Variants in STAG2 observed in about 807,000 individuals in gnomAD.
STAG2 encodes cohesin subunit SA-2.
Under a neutral mutation model 108.1 loss-of-function variants are expected in STAG2, and 14 were observed. The observed-to-expected ratio is 0.13, with a 90% confidence interval of 0.09 to 0.20. The LOEUF is 0.20. Ranked by LOEUF, STAG2 falls within the 10% of genes least tolerant of loss-of-function variation. STAG2 has a pLI of 1.00. For missense variants in STAG2, 440 were observed against 940.9 expected, an observed-to-expected ratio of 0.47 and a Z score of 6.96; for synonymous variants, 307 against 302.7, an observed-to-expected ratio of 1.01 and a Z score of -0.15.
At chrX:123,978,970 C>T (rs2054752042) in intron 1 of STAG2, among the ~76,000 whole-genome samples, 1 of 111,494 alleles carries the variant, frequency 9.0e-6, no homozygotes, top group Non-Finnish European at 1.9e-5. Flanking sequence ...CCAGATAGCT[C>T]AGTAATTCCA....
intron 13 of STAG2, among the ~76,000 whole-genome samples, chrX:124,054,325 T>C (rs944698878): frequency 8.9e-6 from 1 of 112,252 alleles, no homozygotes; most frequent in Non-Finnish European, 1.9e-5. Flanking sequence ...GTAGTGGCTA[T>C]TCCCATTTCT....
intron 1 of STAG2, among the ~76,000 whole-genome samples, chrX:123,993,335 C>G (rs2055570522): frequency 9.0e-6 from 1 of 111,477 alleles, no homozygotes; most frequent in Non-Finnish European, 1.9e-5. Context: ...CGGGGAAGAT[C>G]CCAGTGGTGA....
intron 25 of STAG2, among the ~76,000 whole-genome samples, chrX:124,075,726 G>A (rs952694191): frequency 9.1e-6 from 1 of 110,495 alleles, no homozygotes; most frequent in Non-Finnish European, 1.9e-5. Context: ...CAATTATTTT[G>A]CATTACTTGG....
At chrX:124,012,034 G>C (rs978280143) in intron 1 of STAG2, among the ~76,000 whole-genome samples, 15 of 111,683 alleles carry the variant, frequency 1.3e-4, no homozygotes, top group African/African-American at 4.9e-4. Flanking sequence ...TGCTTTTCCT[G>C]CATCAACTGA....
At chrX:124,004,198 T>C (rs1214820708) in intron 1 of STAG2, among the ~76,000 whole-genome samples, 1 of 111,968 alleles carries the variant, frequency 8.9e-6, no homozygotes. Context: ...ACTATCAGCA[T>C]CCTGCTGTCT....
At chrX:123,981,225 C>T (rs1210708457) in intron 1 of STAG2, among the ~76,000 whole-genome samples, 3 of 110,674 alleles carry the variant, frequency 2.7e-5, no homozygotes, top group Non-Finnish European at 3.8e-5. Flanking sequence ...GTTGTGCAAC[C>T]ATTGTCACCA....
intron 13 of STAG2, among the ~76,000 whole-genome samples, chrX:124,053,174 ATATT>A (rs1376931641): frequency 1.8e-5 from 2 of 112,280 alleles, no homozygotes; most frequent in African/African-American, 3.2e-5. Flanking sequence ...TTCAGGATAA[ATATT>A]TATCAAGTGA....
In STAG2 at chrX:124,101,558, C is replaced by T. The variant is rs933661541; in HGVS notation, c.*961C>T. 3 of 153,395 alleles carry T rather than the reference C, an allele frequency of 2.0e-5. No individual in the cohort carries two copies. The highest frequency in any genetic ancestry group is 9.2e-5 in the African/African-American group (3 of 32,481). 12.6% of individuals were successfully genotyped at this position (153,395 alleles called of 1,213,427 possible). On this transcript the variant is annotated 3_prime_UTR_variant, in exon 35 of 35. Coordinates refer to ENST00000371145, the MANE Select transcript of STAG2 (RefSeq NM_001042750.2). ...GTTTTTTCTTACTTTTAAATTCCAA[C>T]TTAAAATTATGAGGTTTCAGAAATA... is the stretch of plus-strand genomic sequence containing the variant.
intron 25 of STAG2, among the ~76,000 whole-genome samples, chrX:124,072,485 T>C (rs144588097): frequency 3.4e-4 from 38 of 111,238 alleles, no homozygotes; most frequent in African/African-American, 1.2e-3. Context: ...ATCCATGTAG[T>C]GAAGTTTATA....
At chrX:124,001,205 C>T (rs1242033273) in intron 1 of STAG2, among the ~76,000 whole-genome samples, 1 of 111,072 alleles carries the variant, frequency 9.0e-6, no homozygotes, top group African/African-American at 3.3e-5. Flanking sequence ...ATTCTCCTGC[C>T]TCAGCCTCCC....
Position 123,980,108 on chromosome X carries a change from A to G in STAG2, c.-163+18252A>G, listed in dbSNP as rs377186392. ...ATGTGTGTAGTTGGAACATAGTAGT[A>G]ATAATATTTTACTGTACTCTTGCAT... On this transcript the variant is annotated intron_variant, in intron 1 of 34. Transcript: ENST00000371145. Among the ~76,000 whole-genome samples the G allele has an allele frequency of 4.5e-5, 5 of 112,061 alleles. No individual in the cohort carries two copies. The East Asian group carries it at 1.1e-3, about 25-fold the overall frequency.
At chrX:123,970,659 A>G (rs1205937406) in intron 1 of STAG2, among the ~76,000 whole-genome samples, 1 of 112,023 alleles carries the variant, frequency 8.9e-6, no homozygotes, top group Non-Finnish European at 1.9e-5. Flanking sequence ...GTTTGAAAGA[A>G]TTTAATGTGG....
chrX:123,997,000 ATCTT>A (rs1323326047), intron 1 of STAG2, among the ~76,000 whole-genome samples: 1 of 112,454 alleles, frequency 8.9e-6, no homozygotes, highest in Non-Finnish European at 1.9e-5. Context: ...TGAAAAGACT[ATCTT>A]TCTTCATTGA....
chrX:124,050,154 AATT>A (rs750512290), intron 10 of STAG2, 29 bp from the exon 11 acceptor site: 82 of 1,199,066 alleles, frequency 6.8e-5, no homozygotes, highest in Non-Finnish European at 8.7e-5. Flanking sequence ...TATTGGCACT[AATT>A]ATGCATCGTT....
At chrX:123,976,265 CT>C (rs754130338) in intron 1 of STAG2, among the ~76,000 whole-genome samples, 38 of 111,237 alleles carry the variant, frequency 3.4e-4, no homozygotes, top group Non-Finnish European at 5.7e-4. Context: ...CAGTAGTGAC[CT>C]TTTCTCTTAA....
intron 15 of STAG2, among the ~76,000 whole-genome samples, chrX:124,059,664 A>G (rs779539085): frequency 9.0e-6 from 1 of 110,712 alleles, no homozygotes; most frequent in African/African-American, 3.3e-5. Context: ...TATTTTATTT[A>G]TTTTATTTTT....
chrX:124,100,065 A>G (rs1328604604), intron 34 of STAG2, among the ~76,000 whole-genome samples: 1 of 111,944 alleles, frequency 8.9e-6, no homozygotes, highest in African/African-American at 3.2e-5. Context: ...CAGATTTTCT[A>G]AAGAAAGCTT....
rs1177101640 is a variant in STAG2 at position 123,967,256 on chromosome X, ATT to A, written c.-163+5425_-163+5426del. ...AGAGGATGAATAATGTCAATGGTGTATTTTTTTTTTTTTTTTTTTTTTTTTTG... is the reference window on the plus strand; with the variant it reads ...AGAGGATGAATAATGTCAATGGTGTATTTTTTTTTTTTTTTTTTTTTTTTG... On this transcript the variant is annotated intron_variant, in intron 1 of 34. Coordinates refer to ENST00000371145, the MANE Select transcript of STAG2 (RefSeq NM_001042750.2). 4.4e-3 allele frequency among the ~76,000 whole-genome samples: 220 copies of A among 50,197 alleles called. 1 individual carries two copies. Among genetic ancestry groups the A allele is most frequent in the African/African-American group, 0.018 (211 of 11,575 alleles). 43.6% of individuals were successfully genotyped at this position (50,197 alleles called of 115,157 possible). A position where few individuals can be genotyped will look rare whatever the true frequency, so the allele number is the denominator to read the frequency against.
intron 1 of STAG2, among the ~76,000 whole-genome samples, chrX:124,018,154 G>C (rs1446090972): frequency 8.9e-6 from 1 of 112,012 alleles, no homozygotes; most frequent in East Asian, 2.8e-4. Context: ...CTGTTAGAAT[G>C]TTAACTCTTT....
Sources: allele counts gnomAD v4.1 joint callset (sites outside exome capture counted in the v4.1 genomes callset), GRCh38; gene constraint gnomAD v4.1.1; transcripts MANE v1.5; gene names NCBI Gene and HGNC (gene_info 2026-07-23, HGNC 2026-07-21).